The following CDH8 variants were observed in gnomAD, a reference collection of about 807,000 sequenced individuals.
CDH8 encodes the protein cadherin 8.
In CDH8, 17 loss-of-function variants were observed where a neutral mutation model predicts 68.1. The observed-to-expected ratio is 0.25, with a 90% confidence interval of 0.17 to 0.37. The LOEUF (loss-of-function observed/expected upper bound fraction) is 0.37, where lower values mean the gene tolerates loss of function less well. Ranked by LOEUF, CDH8 falls within the 10% of genes least tolerant of loss-of-function variation. The pLI is 1.00. For missense variants in CDH8, 763 were observed against 999.3 expected (o/e 0.76, Z 3.19); for synonymous variants, 372 against 365.1 (o/e 1.02, Z -0.21).
intron 2 of CDH8, among the ~76,000 whole-genome samples, chr16:61,948,864 TG>T (rs1964842267): frequency 6.6e-6 from 1 of 152,196 alleles, no homozygotes; most frequent in African/African-American, 2.4e-5. Flanking sequence ...CCGACATCAG[TG>T]GGTCACACAA....
chr16:61,936,702 CT>C (rs1964632320), intron 2 of CDH8, among the ~76,000 whole-genome samples: 1 of 152,108 alleles, frequency 6.6e-6, no homozygotes, highest in Non-Finnish European at 1.5e-5. Flanking sequence ...GGGTCCAGAA[CT>C]TAACTGATCA....
At chr16:61,680,648 C>T (rs1402680379) in intron 10 of CDH8, among the ~76,000 whole-genome samples, 1 of 151,038 alleles carries the variant, frequency 6.6e-6, no homozygotes, top group Non-Finnish European at 1.5e-5. Flanking sequence ...CATACATACA[C>T]ACACACACAA....
rs113171223 is a variant in CDH8 at position 61,696,321 on chromosome 16, C to T, written c.1654+17520G>A. Reference sequence around the variant, plus strand: ...AGTGGAAAGTGGGGAATTAAACTGACCCATCAGAGGTCTCAAAGGTGCAGT... The same window carrying T: ...AGTGGAAAGTGGGGAATTAAACTGATCCATCAGAGGTCTCAAAGGTGCAGT... On this transcript the variant is annotated intron_variant, in intron 10 of 11. Transcript: ENST00000577390. Among the ~76,000 whole-genome samples, 82 of 152,258 alleles carry T rather than the reference C, an allele frequency of 5.4e-4. 1 individual carries two copies. Among genetic ancestry groups the T allele is most frequent in the African/African-American group, 1.9e-3 (78 of 41,552 alleles).
At chr16:61,930,397 T>G (rs969301258) in intron 2 of CDH8, among the ~76,000 whole-genome samples, 1 of 152,162 alleles carries the variant, frequency 6.6e-6, no homozygotes, top group African/African-American at 2.4e-5. Context: ...AATGAACTGT[T>G]GCTAGGATGC....
At chr16:61,687,497 C>T (rs952242583) in intron 10 of CDH8, among the ~76,000 whole-genome samples, 1 of 151,912 alleles carries the variant, frequency 6.6e-6, no homozygotes, top group Non-Finnish European at 1.5e-5. Flanking sequence ...CTAGTGTCTT[C>T]AATTTAATGG....
chr16:61,808,127 A>G (rs1228308972), intron 7 of CDH8, among the ~76,000 whole-genome samples: 1 of 152,236 alleles, frequency 6.6e-6, no homozygotes. Context: ...CATACAGAAG[A>G]ATGCATATTC....
intron 8 of CDH8, among the ~76,000 whole-genome samples, chr16:61,730,475 C>T (rs1057165319): frequency 4.0e-5 from 6 of 151,398 alleles, no homozygotes; most frequent in Non-Finnish European, 8.9e-5. Flanking sequence ...GGTCAAAGAA[C>T]TCTTTGTAAA....
At chr16:61,739,909 A>G (rs866454828) in intron 8 of CDH8, among the ~76,000 whole-genome samples, 3,466 of 81,786 alleles carry the variant, frequency 0.042, 136 homozygotes, top group African/African-American at 0.13. Context: ...ATATATATAT[A>G]TATGTATTTT....
chr16:61,891,168 A>G (rs1297618532), intron 3 of CDH8, among the ~76,000 whole-genome samples: 1 of 152,096 alleles, frequency 6.6e-6, no homozygotes, highest in African/African-American at 2.4e-5. Context: ...TAAGATCCCA[A>G]AAACAGTTGG....
At chr16:61,863,972 A>G (rs1963203806) in intron 3 of CDH8, among the ~76,000 whole-genome samples, 1 of 152,116 alleles carries the variant, frequency 6.6e-6, no homozygotes. Flanking sequence ...CCCTCAACCC[A>G]ACTCCTCTCA....
Position 61,923,845 on chromosome 16 carries a change from G to A in CDH8, c.253-22372C>T, listed in dbSNP as rs921039174. On this transcript the variant is annotated intron_variant, in intron 2 of 11. Transcript: ENST00000577390. ...TTATATATGTGATGTATATATTTGT[G>A]TATATATTTAAATATATTATATATT... is the stretch of plus-strand genomic sequence containing the variant. Among the ~76,000 whole-genome samples the A allele has an allele frequency of 2.0e-5, 3 of 146,444 alleles. No homozygotes were observed. The Admixed American group carries it at 2.1e-4, about 10-fold the overall frequency.
At chr16:61,904,832 C>T (rs1273501597) in intron 2 of CDH8, among the ~76,000 whole-genome samples, 3 of 152,202 alleles carry the variant, frequency 2.0e-5, no homozygotes, top group Non-Finnish European at 2.9e-5. Flanking sequence ...TGCTGCTCTT[C>T]ACGTAAGGGT....
intron 7 of CDH8, among the ~76,000 whole-genome samples, chr16:61,796,145 GAGAGAAAA>G (rs1322729933): frequency 1.3e-5 from 2 of 151,602 alleles, no homozygotes; most frequent in Non-Finnish European, 2.9e-5. Context: ...GAATAGATGG[GAGAGAAAA>G]AGAGAAATAA....
intron 3 of CDH8, among the ~76,000 whole-genome samples, chr16:61,892,526 T>G (rs994798147): frequency 6.6e-6 from 1 of 152,202 alleles, no homozygotes; most frequent in East Asian, 1.9e-4. Flanking sequence ...ATTTATACTT[T>G]TTTTTGCACT....
At chr16:61,737,760 C>T (rs920126948) in intron 8 of CDH8, among the ~76,000 whole-genome samples, 1 of 151,982 alleles carries the variant, frequency 6.6e-6, no homozygotes, top group Admixed American at 6.6e-5. Flanking sequence ...TTATGCATTC[C>T]CCTTTCTCTG....
At chr16:61,825,870 C>T (rs1962319727) in intron 4 of CDH8, among the ~76,000 whole-genome samples, 1 of 151,834 alleles carries the variant, frequency 6.6e-6, no homozygotes, top group Admixed American at 6.6e-5. Flanking sequence ...AAAATTATCA[C>T]TGCTCAAATC....
chr16:61,948,789 T>G (rs535915667), intron 2 of CDH8, among the ~76,000 whole-genome samples: 8 of 152,238 alleles, frequency 5.3e-5, no homozygotes, highest in Non-Finnish European at 1.2e-4. Context: ...ATTTTTATTC[T>G]TAATATTTTT....
chr16:62,030,277 C>T (rs957862883), intron 1 of CDH8, among the ~76,000 whole-genome samples: 5 of 152,110 alleles, frequency 3.3e-5, no homozygotes, highest in East Asian at 3.8e-4. Flanking sequence ...TTCCAAAATA[C>T]GTATACAATC....
At chr16:61,939,885 C>G (rs1218107696) in intron 2 of CDH8, among the ~76,000 whole-genome samples, 1 of 152,118 alleles carries the variant, frequency 6.6e-6, no homozygotes, top group African/African-American at 2.4e-5. Context: ...AGCTGAGACT[C>G]AAAGAATGTA....
Sources: gnomAD v4.1 joint callset for allele counts (sites outside exome capture counted in the v4.1 genomes callset) on GRCh38, gnomAD v4.1.1 for gene constraint, MANE v1.5 for transcripts, NCBI Gene and HGNC (gene_info 2026-07-23, HGNC 2026-07-21) for gene names.